PKNOX2: variants seen among roughly 807,000 people sequenced by gnomAD.
PKNOX2 encodes PBX/knotted 1 homeobox 2, also known as homeobox protein PKNOX2.
Under a neutral mutation model 53.1 loss-of-function variants are expected in PKNOX2, and 14 were observed. That is an observed-to-expected ratio of 0.26 (90% confidence interval 0.17 to 0.41). The LOEUF (loss-of-function observed/expected upper bound fraction) is 0.41. Among genes scored for constraint, PKNOX2 ranks in the 10% least tolerant of loss-of-function variants. The probability of loss-of-function intolerance (pLI) is 1.00; values close to 1 mark genes in which losing one functional copy is unlikely to be tolerated. For missense variants in PKNOX2, 496 were observed against 602.8 expected (o/e 0.82, Z 1.85); for synonymous variants, 257 against 242.8 (o/e 1.06, Z -0.54).
intron 2 of PKNOX2, among the ~76,000 whole-genome samples, chr11:125,303,630 C>G (rs969411691): frequency 3.3e-5 from 5 of 152,204 alleles, no homozygotes; most frequent in African/African-American, 1.2e-4. Flanking sequence ...TCCTCCTTAT[C>G]AGGAAACCCA....
At chr11:125,269,035 C>A (rs1945578623) in intron 2 of PKNOX2, among the ~76,000 whole-genome samples, 1 of 152,116 alleles carries the variant, frequency 6.6e-6, no homozygotes, top group African/African-American at 2.4e-5. Flanking sequence ...AAGGTGGTCC[C>A]TGGAACAGTG....
At chr11:125,341,790 CG>C (rs1383947692) in intron 3 of PKNOX2, among the ~76,000 whole-genome samples, 1 of 152,222 alleles carries the variant, frequency 6.6e-6, no homozygotes, top group African/African-American at 2.4e-5. Flanking sequence ...GGTTGGGCGA[CG>C]GAGGGAGTAT....
At chr11:125,396,902 C>CTAAA (rs1012955268) in intron 6 of PKNOX2, among the ~76,000 whole-genome samples, 1 of 152,020 alleles carries the variant, frequency 6.6e-6, no homozygotes, top group African/African-American at 2.4e-5. Context: ...AATAGATTTG[C>CTAAA]TAAACTAGAG....
intron 7 of PKNOX2, among the ~76,000 whole-genome samples, chr11:125,405,919 C>G (rs190171882): frequency 1.3e-5 from 2 of 152,168 alleles, no homozygotes; most frequent in South Asian, 2.1e-4. Context: ...TGGAACAAAA[C>G]GAACAGAATT....
chr11:125,394,833 T>G (rs767103994), intron 6 of PKNOX2, among the ~76,000 whole-genome samples: 2 of 152,260 alleles, frequency 1.3e-5, no homozygotes, highest in African/African-American at 4.8e-5. Context: ...TAAATGTAGA[T>G]TCACATGCAG....
chr11:125,393,208 C>T (rs954572862), intron 6 of PKNOX2, among the ~76,000 whole-genome samples: 3 of 150,880 alleles, frequency 2.0e-5, no homozygotes, highest in Non-Finnish European at 4.4e-5. Flanking sequence ...ACAACTTGTT[C>T]AAGTCAGATG....
chr11:125,255,237 C>T (rs1054201875), intron 2 of PKNOX2, among the ~76,000 whole-genome samples: 1 of 152,230 alleles, frequency 6.6e-6, no homozygotes, highest in Non-Finnish European at 1.5e-5. Flanking sequence ...AGAGCTGTGC[C>T]TGGAACCACC....
chr11:125,352,048 A>G lies in PKNOX2; in HGVS notation c.87+656A>G, dbSNP rs1418918769. On this transcript the variant is annotated intron_variant, in intron 4 of 12. Transcript: ENST00000298282. This position sits in a 1 kb window ranked among gnomAD's most constrained non-coding sequence, Gnocchi z 4.1. The stretch of plus-strand genomic sequence containing the variant: ...CCTCTCCTGCAACATGCCCCTCCTC[A>G]GCAGTGCCTTCTGGCTGTCTTCATG... 6.6e-6 allele frequency among the ~76,000 whole-genome samples: 1 copy of G among 150,874 alleles called. No individual in the cohort carries two copies. The highest frequency in any genetic ancestry group is 2.0e-4 in the East Asian group (1 of 5,096).
intron 4 of PKNOX2, among the ~76,000 whole-genome samples, chr11:125,353,494 C>A (rs1951426119): frequency 6.6e-6 from 1 of 152,234 alleles, no homozygotes; most frequent in Non-Finnish European, 1.5e-5. Context: ...AGGTGGGCTG[C>A]AGCCCTAAGG....
chr11:125,426,942 A>C (rs1043671426), intron 10 of PKNOX2, among the ~76,000 whole-genome samples: 1 of 152,218 alleles, frequency 6.6e-6, no homozygotes, highest in Non-Finnish European at 1.5e-5. Flanking sequence ...GAAGCTCAGA[A>C]AGGCACGCGA....
At chr11:125,228,889 G>C (rs906256277) in intron 1 of PKNOX2, among the ~76,000 whole-genome samples, 1 of 152,132 alleles carries the variant, frequency 6.6e-6, no homozygotes, top group Non-Finnish European at 1.5e-5. Flanking sequence ...GCTTTGATAG[G>C]AGGAATGGGA....
At chr11:125,299,845 G>A (rs1259606485) in intron 2 of PKNOX2, among the ~76,000 whole-genome samples, 1 of 152,146 alleles carries the variant, frequency 6.6e-6, no homozygotes, top group Non-Finnish European at 1.5e-5. Flanking sequence ...AGCGACCGTG[G>A]GGCTTCCCAA....
At chr11:125,428,990 T>TA (rs1373026107) in intron 10 of PKNOX2, 22 bp from the exon 11 acceptor site, 2 of 1,602,374 alleles carry the variant, frequency 1.2e-6, no homozygotes, top group East Asian at 2.2e-5. Context: ...CAGCCCTCAC[T>TA]AGTCTCCACC....
At chr11:125,323,913 G>A (rs1199341249) in intron 2 of PKNOX2, among the ~76,000 whole-genome samples, 1 of 150,062 alleles carries the variant, frequency 6.7e-6, no homozygotes, top group African/African-American at 2.5e-5. Flanking sequence ...AGATCAATGT[G>A]TGTTTCTTTA....
chr11:125,213,989 C>G (rs1246168690), intron 1 of PKNOX2, among the ~76,000 whole-genome samples: 1 of 152,074 alleles, frequency 6.6e-6, no homozygotes, highest in East Asian at 1.9e-4. Context: ...CCGGCTTGGC[C>G]TTTTGGCTCG....
chr11:125,178,245 C>T (rs1955838151), intron 1 of PKNOX2, among the ~76,000 whole-genome samples: 1 of 151,374 alleles, frequency 6.6e-6, no homozygotes, highest in Non-Finnish European at 1.5e-5. Flanking sequence ...CACGTGGTGG[C>T]TTATGCCTCT....
In PKNOX2 at chr11:125,399,182, C is replaced by T. The variant is rs998865370; in HGVS notation, c.588+1120C>T. Reference sequence around the variant, plus strand: ...TTGTGAGACTCCGTAGTGAGTACTGCCCAGGACATAGGGCAAGAAGTTTAC... The same window carrying T: ...TTGTGAGACTCCGTAGTGAGTACTGTCCAGGACATAGGGCAAGAAGTTTAC... On this transcript the variant is annotated intron_variant, in intron 7 of 12. Transcript: ENST00000298282. 3.1e-4 allele frequency among the ~76,000 whole-genome samples: 47 copies of T among 152,324 alleles called. 1 individual carries two copies. Among genetic ancestry groups the T allele is most frequent in the Middle Eastern group, 6.8e-3 (2 of 294 alleles).
Position 125,211,776 on chromosome 11 carries a change from T to C in PKNOX2, c.-200-23269T>C, listed in dbSNP as rs572299530. 1.4e-4 allele frequency among the ~76,000 whole-genome samples: 21 copies of C among 152,140 alleles called. No individual in the cohort carries two copies. The South Asian group carries it at 4.4e-3, about 32-fold the overall frequency. ...GCTGTTTTTATCAGTTGTCCTTCCT[T>C]GGTGCTGACTCCTCTGCTGATCTGA... On this transcript the variant is annotated intron_variant, in intron 1 of 12. Transcript: ENST00000298282.
At chr11:125,407,598 C>T (rs7112365) in intron 7 of PKNOX2, among the ~76,000 whole-genome samples, 22,225 of 151,940 alleles carry the variant, frequency 0.15, 1,864 homozygotes, top group African/African-American at 0.23. Context: ...GGTACCCACT[C>T]CCCCATTAAA....
Sources: allele counts gnomAD v4.1 joint callset (sites outside exome capture counted in the v4.1 genomes callset), GRCh38; gene constraint gnomAD v4.1.1; non-coding constraint Gnocchi (gnomAD v3.1); transcripts MANE v1.5; gene names NCBI Gene and HGNC (gene_info 2026-07-23, HGNC 2026-07-21).